S100Z: variants seen among roughly 807,000 people sequenced by gnomAD.
S100Z encodes S100 calcium binding protein Z, also known as protein S100-Z.
In S100Z, 11 loss-of-function variants were observed where a neutral mutation model predicts 8.5. The observed-to-expected ratio is 1.30, with a 90% CI of 0.82 to 2.15. The LOEUF is 2.15. S100Z is among the 30% of genes most tolerant of loss of function. S100Z has a pLI of 0.00. For synonymous variants in S100Z, 34 were observed against 43.8 expected, an observed-to-expected ratio of 0.78 and a Z score of 0.89; for missense variants, 126 against 117.9, an observed-to-expected ratio of 1.07 and a Z score of -0.32.
the S100Z span, among the ~76,000 whole-genome samples, chr5:76,942,700 C>T: frequency 6.6e-6 from 1 of 152,136 alleles, no homozygotes; most frequent in Non-Finnish European, 1.5e-5. Flanking sequence ...GAGCTTGGCA[C>T]CAGTCAGCTT....
At chr5:76,888,500 C>T (rs1464721929) in intron 4 of S100Z, among the ~76,000 whole-genome samples, 1 of 148,874 alleles carries the variant, frequency 6.7e-6, no homozygotes, top group Non-Finnish European at 1.5e-5. Context: ...CTCAGCCTCC[C>T]AAGTATCTGG....
At chr5:76,951,533 C>G in the S100Z span, among the ~76,000 whole-genome samples, 3 of 152,156 alleles carry the variant, frequency 2.0e-5, no homozygotes, top group African/African-American at 7.2e-5. Context: ...AGAAGAGGGC[C>G]TGTGGCATGC....
chr5:76,945,017 TAAG>T, the S100Z span, among the ~76,000 whole-genome samples: 1 of 152,152 alleles, frequency 6.6e-6, no homozygotes, highest in South Asian at 2.1e-4. Flanking sequence ...AAGGAAGACA[TAAG>T]AAACTCCATT....
the S100Z span, among the ~76,000 whole-genome samples, chr5:76,930,929 C>A: frequency 3.9e-5 from 6 of 152,178 alleles, no homozygotes; most frequent in South Asian, 1.0e-3. Context: ...TGGAAATGGA[C>A]ACCTAAATCA....
In S100Z at chr5:76,905,338, T is replaced by C. The variant is rs370232640; in HGVS notation, c.*3-15379T>C. On this transcript the variant is annotated intron_variant, in intron 4 of 4. Transcript: ENST00000317593. ...GGCACATACCACTGTGCCCGGCTTA[T>C]TTCTTGAAAATTTTTTTACAATTTT... Among the ~76,000 whole-genome samples, 238 of 152,264 alleles carry C rather than the reference T, an allele frequency of 1.6e-3. 2 individuals are homozygous for C. The Middle Eastern group carries it at 0.037, about 24-fold the overall frequency.
At position 76,875,420 on chromosome 5, in the gene S100Z, G is replaced by T. The variant is rs1302016220; in HGVS notation, c.61G>T (p.Gly21Cys). 1.2e-6 allele frequency: 2 copies of T among 1,613,290 alleles called. No homozygotes were observed. Among genetic ancestry groups the T allele is most frequent in the South Asian group, 1.1e-5 (1 of 90,916 alleles). The change falls in exon 3 of 5, where the codon GGC (glycine) becomes TGC (cysteine). Residue 21 changes from glycine to cysteine, a missense_variant. Coordinates refer to ENST00000317593, the MANE Select transcript of S100Z (RefSeq NM_130772.4). Reference protein sequence around the residue: ...TMIRIFHRYSGKERKRFKLSK... With the variant: ...TMIRIFHRYSCKERKRFKLSK... ...GATTAGAATCTTCCACCGCTATTCT[G>T]GCAAGGAAAGGAAGAGATTCAAGCT...
At chr5:76,906,976 GTATATATATATATATA>G (rs869046562) in intron 4 of S100Z, among the ~76,000 whole-genome samples, 422 of 21,758 alleles carry the variant, frequency 0.019, 9 homozygotes, top group South Asian at 0.05. Context: ...TTGTGTGTGT[GTATATATATATATATA>G]TATATATATA....
chr5:76,871,780 G>T (rs944682093), intron 2 of S100Z, among the ~76,000 whole-genome samples: 1 of 152,106 alleles, frequency 6.6e-6, no homozygotes, highest in African/African-American at 2.4e-5. Flanking sequence ...ACCCACCTTG[G>T]CCTCCCAAAG....
chr5:76,937,439 C>A, the S100Z span, among the ~76,000 whole-genome samples: 2 of 151,886 alleles, frequency 1.3e-5, no homozygotes, highest in African/African-American at 4.8e-5. Flanking sequence ...TCTTCCCTAC[C>A]TATTTTATAT....
At chr5:76,874,891 T>A (rs1692790648) in intron 2 of S100Z, among the ~76,000 whole-genome samples, 1 of 142,846 alleles carries the variant, frequency 7.0e-6, no homozygotes, top group African/African-American at 2.6e-5. Flanking sequence ...TTATTATTAA[T>A]TTTTTTTTTT....
rs375208298 is a variant in S100Z, at chr5:76,905,702, G to A, written c.*3-15015G>A. Among the ~76,000 whole-genome samples, 43 of 152,260 alleles carry A rather than the reference G, an allele frequency of 2.8e-4. No homozygotes were observed. The East Asian group carries it at 8.3e-3, about 29-fold the overall frequency. On this transcript the variant is annotated intron_variant, in intron 4 of 4. Coordinates refer to ENST00000317593, the MANE Select transcript of S100Z (RefSeq NM_130772.4). The stretch of plus-strand genomic sequence containing the variant: ...GCTGGGATTACAGGTGCGAACCACC[G>A]TGCCTGGCCATTTTGAGTTAATTTT...
intron 1 of S100Z, among the ~76,000 whole-genome samples, chr5:76,857,356 G>A (rs116810210): frequency 3.0e-4 from 45 of 152,204 alleles, no homozygotes; most frequent in African/African-American, 1.1e-3. Context: ...GGTAGGAATA[G>A]GGAACAGTAT....
downstream of S100Z, among the ~76,000 whole-genome samples, chr5:76,923,401 G>A (rs1745081981): frequency 6.6e-6 from 1 of 152,158 alleles, no homozygotes; most frequent in African/African-American, 2.4e-5. Context: ...GAGTCAAGTT[G>A]GACTCCTGTT....
the S100Z span, among the ~76,000 whole-genome samples, chr5:76,945,525 G>A: frequency 4.9e-4 from 74 of 152,338 alleles, no homozygotes; most frequent in East Asian, 2.9e-3. Flanking sequence ...GAGAAAAGCC[G>A]CCCTGTGGCG....
intron 4 of S100Z, among the ~76,000 whole-genome samples, chr5:76,900,845 T>C (rs1025446368): frequency 6.6e-6 from 1 of 152,210 alleles, no homozygotes; most frequent in Non-Finnish European, 1.5e-5. Context: ...GTCTTCACTG[T>C]CTGGGCTTAT....
At chr5:76,877,899 A>T in intron 4 of S100Z, 65 bp downstream of exon 4, 1 of 1,138,636 alleles carries the variant, frequency 8.8e-7, no homozygotes, top group Non-Finnish European at 1.3e-6. Context: ...GTTCATTTAT[A>T]CCGTTCAGAT....
At chr5:76,948,325 C>CTAAATAAATAAATAAA in the S100Z span, among the ~76,000 whole-genome samples, 29,807 of 147,576 alleles carry the variant, frequency 0.2, 3,333 homozygotes, top group South Asian at 0.3. Context: ...GACTCTGTCT[C>CTAAATAAATAAATAAA]TAAATAAATA....
intron 4 of S100Z, among the ~76,000 whole-genome samples, chr5:76,878,614 C>A (rs752262822): frequency 6.6e-6 from 1 of 152,134 alleles, no homozygotes; most frequent in African/African-American, 2.4e-5. Flanking sequence ...CTTGGGGAAC[C>A]CAAACTATGA....
chr5:76,875,292 A>C lies in S100Z; in HGVS notation c.-56-12A>C. 2 of 1,439,504 alleles carry C rather than the reference A, an allele frequency of 1.4e-6. No individual in the cohort carries two copies. The highest frequency in any genetic ancestry group is 1.9e-6 in the Non-Finnish European group (2 of 1,062,314). 89.2% of individuals were successfully genotyped at this position (1,439,504 alleles called of 1,614,324 possible). On this transcript the variant is annotated splice_polypyrimidine_tract_variant and intron_variant, in intron 2 of 4. Coordinates refer to ENST00000317593, the MANE Select transcript of S100Z (RefSeq NM_130772.4). ...AGTGTTGGTGTTTCCTCATCTGTTT[A>C]TTCTGAACAAGTGTCTTCTCCCCGG...
Sources: allele counts gnomAD v4.1 joint callset (sites outside exome capture counted in the v4.1 genomes callset), GRCh38; gene constraint gnomAD v4.1.1; transcripts MANE v1.5; gene names NCBI Gene and HGNC (gene_info 2026-07-23, HGNC 2026-07-21).